NCAM2: variants seen among roughly 807,000 people sequenced by gnomAD.
NCAM2 encodes the protein neural cell adhesion molecule 2, also known as N-CAM-2.
Under a neutral mutation model 98.1 loss-of-function variants are expected in NCAM2, and 30 were observed. That is an observed-to-expected ratio of 0.31 (90% CI 0.23 to 0.41). The LOEUF (loss-of-function observed/expected upper bound fraction) is 0.41, where lower values mean the gene tolerates loss of function less well. NCAM2 is among the 10% of genes least tolerant of loss of function. The pLI is 1.00. For missense variants in NCAM2, 867 were observed against 1,005.8 expected, an observed-to-expected ratio of 0.86 and a Z score of 1.87; for synonymous variants, 368 against 342.4, an observed-to-expected ratio of 1.07 and a Z score of -0.83.
chr21:21,459,789 G>C (rs1982693389), intron 12 of NCAM2, among the ~76,000 whole-genome samples: 1 of 151,582 alleles, frequency 6.6e-6, no homozygotes, highest in South Asian at 2.1e-4. Context: ...CAAGATGAAT[G>C]CATTCTAGAG....
chr21:21,134,758 T>C (rs918682078), intron 1 of NCAM2, among the ~76,000 whole-genome samples: 9 of 149,832 alleles, frequency 6.0e-5, no homozygotes, highest in African/African-American at 2.2e-4. Flanking sequence ...TTTCCCAGAC[T>C]GGAATGCGGT....
intron 1 of NCAM2, among the ~76,000 whole-genome samples, chr21:21,248,265 A>C (rs756868873): frequency 3.3e-5 from 5 of 152,168 alleles, no homozygotes; most frequent in Non-Finnish European, 7.4e-5. Context: ...GTTATATAAA[A>C]GTAACCCGAA....
chr21:21,463,494 T>C (rs1983268339), intron 12 of NCAM2, among the ~76,000 whole-genome samples: 1 of 152,124 alleles, frequency 6.6e-6, no homozygotes, highest in African/African-American at 2.4e-5. Flanking sequence ...ATTTTAAAGG[T>C]TATCTATAAA....
chr21:21,082,285 A>AAC (rs1555882250), intron 1 of NCAM2, among the ~76,000 whole-genome samples: 3 of 148,766 alleles, frequency 2.0e-5, no homozygotes, highest in African/African-American at 7.5e-5. Flanking sequence ...TCAAAACAAA[A>AAC]AAAAAAAAAC....
intron 5 of NCAM2, among the ~76,000 whole-genome samples, chr21:21,315,257 C>A (rs1427498733): frequency 1.3e-5 from 2 of 152,130 alleles, no homozygotes; most frequent in Non-Finnish European, 2.9e-5. Flanking sequence ...TTCACAAAAT[C>A]TTAGCAATGT....
chr21:21,212,773 T>G (rs944381185), intron 1 of NCAM2, among the ~76,000 whole-genome samples: 1 of 150,502 alleles, frequency 6.6e-6, no homozygotes, highest in Non-Finnish European at 1.5e-5. Context: ...AGTGGAGTCT[T>G]GCTCTGTCGC....
rs139652094 is a variant in NCAM2, at chr21:21,150,256, A to G, written c.56-130322A>G. On this transcript the variant is annotated intron_variant, in intron 1 of 17. Coordinates refer to ENST00000400546, the MANE Select transcript of NCAM2 (RefSeq NM_004540.5). ...TATTTACTTATTCTTATAGTTTTTT[A>G]AAATGTAATTTCTGTGAGTTGCTTA... Among the ~76,000 whole-genome samples the G allele has an allele frequency of 2.4e-3, 361 of 152,236 alleles. 2 individuals are homozygous for G. Among genetic ancestry groups the G allele is most frequent in the African/African-American group, 8.5e-3 (352 of 41,544 alleles).
intron 1 of NCAM2, among the ~76,000 whole-genome samples, chr21:21,246,008 G>A (rs2071255128): frequency 6.6e-6 from 1 of 152,182 alleles, no homozygotes; most frequent in Non-Finnish European, 1.5e-5. Context: ...CTTTGGTGTG[G>A]ATTGTACTTA....
chr21:21,334,955 A>T (rs1035776397), intron 6 of NCAM2, among the ~76,000 whole-genome samples: 6 of 152,032 alleles, frequency 3.9e-5, no homozygotes, highest in African/African-American at 1.4e-4. Flanking sequence ...CATTCAAAAT[A>T]GTTTCTAAAT....
intron 15 of NCAM2, among the ~76,000 whole-genome samples, chr21:21,499,870 T>C (rs1432175205): frequency 6.6e-6 from 1 of 152,124 alleles, no homozygotes. Context: ...CCAATTGTAT[T>C]ATATGGACCA....
chr21:21,176,038 A>T (rs775048072), intron 1 of NCAM2, among the ~76,000 whole-genome samples: 1 of 152,226 alleles, frequency 6.6e-6, no homozygotes, highest in South Asian at 2.1e-4. Context: ...AGTGCATTAG[A>T]TGTTCTGTGA....
chr21:21,016,437 A>T (rs1005398050), intron 1 of NCAM2, among the ~76,000 whole-genome samples: 4 of 143,894 alleles, frequency 2.8e-5, no homozygotes, highest in African/African-American at 1.0e-4. Flanking sequence ...GAGATTAATT[A>T]TCTTTTATAA....
At chr21:21,180,030 C>T (rs1433603783) in intron 1 of NCAM2, among the ~76,000 whole-genome samples, 2 of 152,316 alleles carry the variant, frequency 1.3e-5, no homozygotes, top group East Asian at 3.9e-4. Context: ...GTTGGTGCCA[C>T]TTGCCATCTG....
intron 9 of NCAM2, among the ~76,000 whole-genome samples, chr21:21,394,270 A>T (rs1201893521): frequency 2.0e-5 from 3 of 152,122 alleles, no homozygotes; most frequent in Non-Finnish European, 4.4e-5. Context: ...ATATGACAGA[A>T]CACAGAGAAC....
chr21:21,466,884 A>C (rs1287544665), intron 13 of NCAM2, among the ~76,000 whole-genome samples, 159 bp downstream of exon 13: 8 of 152,056 alleles, frequency 5.3e-5, no homozygotes, highest in Non-Finnish European at 1.2e-4. Context: ...AGATTTATTA[A>C]CATAAAAATA....
At chr21:21,414,630 C>G (rs1273680872) in intron 10 of NCAM2, among the ~76,000 whole-genome samples, 1 of 152,076 alleles carries the variant, frequency 6.6e-6, no homozygotes, top group Admixed American at 6.6e-5. Flanking sequence ...CCACCACGCC[C>G]GGCTATTTTT....
chr21:21,395,194 G>A (rs2076476429), intron 9 of NCAM2, among the ~76,000 whole-genome samples: 1 of 152,052 alleles, frequency 6.6e-6, no homozygotes, highest in Non-Finnish European at 1.5e-5. Context: ...AATTAGCTGG[G>A]CCTGGTGGCG....
Position 21,254,780 on chromosome 21 carries a change from C to T in NCAM2, c.56-25798C>T, listed in dbSNP as rs536718956. Among the ~76,000 whole-genome samples, 103 of 152,054 alleles carry T rather than the reference C, an allele frequency of 6.8e-4. 1 individual carries two copies. Among genetic ancestry groups the T allele is most frequent in the African/African-American group, 1.7e-3 (69 of 41,482 alleles). The stretch of plus-strand genomic sequence containing the variant: ...GGGTGTTAGAATAAGAAGATCACCT[C>T]GGCGATAGGGTTATAGGCCCTCCAT... On this transcript the variant is annotated intron_variant, in intron 1 of 17. Coordinates refer to ENST00000400546, the MANE Select transcript of NCAM2 (RefSeq NM_004540.5).
intron 9 of NCAM2, among the ~76,000 whole-genome samples, chr21:21,410,038 C>T (rs906408008): frequency 6.6e-6 from 1 of 151,892 alleles, no homozygotes. Flanking sequence ...AAGGCTGAAG[C>T]AGGAGAATGG....
Sources: allele counts gnomAD v4.1 joint callset (sites outside exome capture counted in the v4.1 genomes callset), GRCh38; gene constraint gnomAD v4.1.1; transcripts MANE v1.5; gene names NCBI Gene and HGNC (gene_info 2026-07-23, HGNC 2026-07-21).